Variants in GRIA4 observed in about 807,000 individuals in gnomAD.
The protein encoded by GRIA4 is glutamate receptor 4.
A neutral mutation model predicts 104.0 loss-of-function variants in GRIA4; 34 were observed. That is an observed-to-expected ratio of 0.33 (90% CI 0.25 to 0.44). The LOEUF (loss-of-function observed/expected upper bound fraction) is 0.44. Ranked by LOEUF, GRIA4 falls within the 20% of genes least tolerant of loss-of-function variation. The probability of loss-of-function intolerance (pLI) is 1.00; values close to 1 mark genes in which losing one functional copy is unlikely to be tolerated. For synonymous variants in GRIA4, 386 were observed against 381.9 expected, an observed-to-expected ratio of 1.01 and a Z score of -0.13; for missense variants, 750 against 1,096.5, an observed-to-expected ratio of 0.68 and a Z score of 4.46.
intron 3 of GRIA4, among the ~76,000 whole-genome samples, chr11:105,727,111 C>G (rs1181625502): frequency 6.6e-6 from 1 of 151,710 alleles, no homozygotes; most frequent in African/African-American, 2.4e-5. Flanking sequence ...CATGTTATAA[C>G]CCAATGGAAG....
At chr11:105,639,842 T>A (rs934715123) in intron 3 of GRIA4, among the ~76,000 whole-genome samples, 1 of 151,970 alleles carries the variant, frequency 6.6e-6, no homozygotes, top group Non-Finnish European at 1.5e-5. Context: ...TAGTAACAAA[T>A]CATAAACTTT....
intron 5 of GRIA4, among the ~76,000 whole-genome samples, chr11:105,868,392 A>C (rs558057624): frequency 6.6e-6 from 1 of 152,282 alleles, no homozygotes; most frequent in South Asian, 2.1e-4. Context: ...GCATTACACC[A>C]GTTTAGTTGT....
chr11:105,697,531 C>A (rs148888095), intron 3 of GRIA4, among the ~76,000 whole-genome samples: 1 of 152,328 alleles, frequency 6.6e-6, no homozygotes, highest in East Asian at 1.9e-4. Context: ...ATTTGCTTTT[C>A]AAAGAAGGCA....
In GRIA4 at chr11:105,934,326, A is replaced by T. The variant is rs539277923; in HGVS notation, c.2294+357A>T. 1.2e-3 allele frequency among the ~76,000 whole-genome samples: 184 copies of T among 151,180 alleles called. No individual in the cohort carries two copies. In the Middle Eastern group the frequency reaches 0.014, roughly 11 times the overall value. ...GTCAGTGATAATTCTACATTTTATC[A>T]TTTTTTTTTAATTATGCCTGGCCAC... is the stretch of plus-strand genomic sequence containing the variant. On this transcript the variant is annotated intron_variant, in intron 14 of 16. Transcript: ENST00000282499.
intron 14 of GRIA4, among the ~76,000 whole-genome samples, chr11:105,959,219 C>T (rs1381065943): frequency 6.6e-6 from 1 of 152,172 alleles, no homozygotes; most frequent in Non-Finnish European, 1.5e-5. Flanking sequence ...CAGCTTGTTT[C>T]CATTCTCCCT....
At chr11:105,907,413 A>C (rs1591430758) in intron 9 of GRIA4, among the ~76,000 whole-genome samples, 1 of 152,242 alleles carries the variant, frequency 6.6e-6, no homozygotes, top group East Asian at 1.9e-4. Flanking sequence ...ATGCTGGTGA[A>C]ACTAGGCAAT....
At position 105,862,041 on chromosome 11, in the gene GRIA4, G is replaced by A. The variant is rs1945244445; in HGVS notation, c.505G>A (p.Ala169Thr). The change falls in exon 5 of 17, where the codon GCT becomes ACT. Residue 169 changes from alanine (A) to threonine (T), a missense_variant. By Grantham distance (58) the Ala-to-Thr change is moderately conservative. Transcript: ENST00000282499. ...CCCAATAGGATACTCGATACTCCAA[G>A]CTATTATGGAAAAAGCAGGACAAAA... ...DTDRGYSILQAIMEKAGQNGW... is the reference protein window; with the variant it reads ...DTDRGYSILQTIMEKAGQNGW... The A allele has an allele frequency of 1.2e-6, 2 of 1,610,084 alleles. No homozygotes were observed. Among genetic ancestry groups the A allele is most frequent in the African/African-American group, 2.7e-5 (2 of 74,728 alleles).
intron 9 of GRIA4, among the ~76,000 whole-genome samples, chr11:105,907,492 C>A (rs1271085131): frequency 1.3e-5 from 2 of 152,168 alleles, no homozygotes; most frequent in African/African-American, 4.8e-5. Flanking sequence ...TCTTTGAAAA[C>A]AGATCAGAGA....
intron 3 of GRIA4, among the ~76,000 whole-genome samples, chr11:105,651,448 G>A (rs1010905255): frequency 8.5e-5 from 13 of 152,136 alleles, no homozygotes; most frequent in Admixed American, 3.3e-4. Flanking sequence ...ATAGTAAGAC[G>A]GACACGGGAA....
chr11:105,828,929 CAGAA>C (rs1457423082), intron 4 of GRIA4, among the ~76,000 whole-genome samples: 1 of 151,874 alleles, frequency 6.6e-6, no homozygotes, highest in Non-Finnish European at 1.5e-5. Flanking sequence ...TCAGCCTTAC[CAGAA>C]AGAATGGCTT....
intron 3 of GRIA4, among the ~76,000 whole-genome samples, chr11:105,668,391 T>A (rs1358917742): frequency 1.3e-5 from 2 of 149,992 alleles, no homozygotes; most frequent in African/African-American, 4.9e-5. Flanking sequence ...TAAAAACTAT[T>A]CATCCATTGA....
intron 13 of GRIA4, among the ~76,000 whole-genome samples, chr11:105,930,735 C>T (rs1443358905): frequency 6.6e-6 from 1 of 152,088 alleles, no homozygotes; most frequent in Admixed American, 6.6e-5. Context: ...TAATAAACCA[C>T]TTATTTGTAA....
chr11:105,930,381 T>A (rs2136205257), intron 13 of GRIA4, among the ~76,000 whole-genome samples: 1 of 152,262 alleles, frequency 6.6e-6, no homozygotes, highest in South Asian at 2.1e-4. Context: ...TTCCATTTTA[T>A]CTGTATTTTT....
intron 4 of GRIA4, among the ~76,000 whole-genome samples, chr11:105,765,165 G>T (rs544017535): frequency 1.3e-5 from 2 of 152,040 alleles, no homozygotes; most frequent in Admixed American, 6.6e-5. Flanking sequence ...TCAAACAGCA[G>T]CCCAACTTAG....
chr11:105,693,778 T>C (rs949622332), intron 3 of GRIA4, among the ~76,000 whole-genome samples: 4 of 152,126 alleles, frequency 2.6e-5, no homozygotes, highest in African/African-American at 7.2e-5. Context: ...AGCACAGAGA[T>C]CAGAAAATTA....
At chr11:105,917,204 G>C (rs1328831498) in intron 10 of GRIA4, among the ~76,000 whole-genome samples, 2 of 152,112 alleles carry the variant, frequency 1.3e-5, no homozygotes, top group Non-Finnish European at 2.9e-5. Flanking sequence ...CTTTTTACCT[G>C]ATTCCAGGGT....
chr11:105,893,020 T>G (rs924702450), intron 6 of GRIA4, among the ~76,000 whole-genome samples: 4 of 152,190 alleles, frequency 2.6e-5, no homozygotes, highest in African/African-American at 7.2e-5. Context: ...ACCTATAATT[T>G]TAAACATTTT....
chr11:105,611,221 TCTCTCCTTTG>T, intron 2 of GRIA4, 136 bp downstream of exon 2: 1 of 697,622 alleles, frequency 1.4e-6, no homozygotes, highest in Non-Finnish European at 2.6e-6. Context: ...CCTCTTCCTT[TCTCTCCTTTG>T]CAAAAAGACT....
chr11:105,924,105 A>G (rs1227920341), intron 11 of GRIA4, among the ~76,000 whole-genome samples: 1 of 152,134 alleles, frequency 6.6e-6, no homozygotes, highest in East Asian at 1.9e-4. Context: ...ATCCTTAAAG[A>G]CTAATACAGT....
Sources: allele counts gnomAD v4.1 joint callset (sites outside exome capture counted in the v4.1 genomes callset), GRCh38; gene constraint gnomAD v4.1.1; transcripts MANE v1.5; gene names NCBI Gene and HGNC (gene_info 2026-07-23, HGNC 2026-07-21).